The following PDE4B variants were observed in gnomAD, a reference collection of about 807,000 sequenced individuals.
The protein encoded by PDE4B is phosphodiesterase 4B, also known as 3',5'-cyclic-AMP phosphodiesterase 4B.
PDE4B carries 20 observed loss-of-function variants against 82.2 expected under a neutral mutation model. That is an observed-to-expected ratio of 0.24 (90% confidence interval 0.17 to 0.35). The LOEUF (loss-of-function observed/expected upper bound fraction) is 0.35, where lower values mean the gene tolerates loss of function less well. Ranked by LOEUF, PDE4B falls within the 10% of genes least tolerant of loss-of-function variation. PDE4B has a pLI of 1.00. For synonymous variants in PDE4B, 320 were observed against 318.9 expected, an observed-to-expected ratio of 1.00 and a Z score of -0.04; for missense variants, 655 against 907.2, an observed-to-expected ratio of 0.72 and a Z score of 3.57.
In PDE4B at chr1:66,364,423, C is replaced by T. The variant is rs190637118; in HGVS notation, c.1284+852C>T. 1.9e-3 allele frequency among the ~76,000 whole-genome samples: 291 copies of T among 152,230 alleles called. 1 individual carries two copies. The highest frequency in any genetic ancestry group is 0.016 in the Admixed American group (251 of 15,276). On this transcript the variant is annotated intron_variant, in intron 12 of 16. Coordinates refer to ENST00000341517, the MANE Select transcript of PDE4B (RefSeq NM_002600.4). ...TCATAGATTAATGCATTTGTGTATACCGATATCATCAACAATGTGTACAGC... is the reference window on the plus strand; with the variant it reads ...TCATAGATTAATGCATTTGTGTATATCGATATCATCAACAATGTGTACAGC...
intron 3 of PDE4B, among the ~76,000 whole-genome samples, chr1:66,245,081 A>G (rs1426220401): frequency 2.6e-5 from 4 of 152,198 alleles, no homozygotes; most frequent in Non-Finnish European, 5.9e-5. Flanking sequence ...CTAAGATTTT[A>G]GCACAGATAC....
At chr1:66,229,070 C>T (rs1012406790) in intron 3 of PDE4B, among the ~76,000 whole-genome samples, 2 of 151,948 alleles carry the variant, frequency 1.3e-5, no homozygotes, top group Non-Finnish European at 2.9e-5. Context: ...TGCAGTGGCT[C>T]GATATTGGCT....
intron 1 of PDE4B, among the ~76,000 whole-genome samples, chr1:65,902,204 G>A (rs1035254150): frequency 1.3e-5 from 2 of 151,968 alleles, no homozygotes; most frequent in Non-Finnish European, 2.9e-5. Context: ...TTATGGATGA[G>A]TCTGTGGTTG....
intron 3 of PDE4B, among the ~76,000 whole-genome samples, chr1:66,239,593 G>C (rs1652723256): frequency 6.6e-6 from 1 of 152,182 alleles, no homozygotes; most frequent in Non-Finnish European, 1.5e-5. Context: ...AGAGCATTTT[G>C]TAAGCTTGCT....
intron 3 of PDE4B, among the ~76,000 whole-genome samples, chr1:66,226,448 C>G (rs1398482600): frequency 2.0e-5 from 3 of 152,138 alleles, no homozygotes; most frequent in Non-Finnish European, 4.4e-5. Context: ...GAAAAGTGTG[C>G]AGAAGGAGGT....
At chr1:66,081,828 CTCTCTGTGTGTG>C (rs1263876276) in intron 3 of PDE4B, among the ~76,000 whole-genome samples, 2 of 113,094 alleles carry the variant, frequency 1.8e-5, no homozygotes, top group African/African-American at 6.2e-5. Flanking sequence ...CTCTCTCTCT[CTCTCTGTGTGTG>C]TGTGTGTGTG....
chr1:66,354,911 G>C (rs1160414023), intron 8 of PDE4B: 1 of 1,533,660 alleles, frequency 6.5e-7, no homozygotes, highest in African/African-American at 1.4e-5. Context: ...TAATTTGATT[G>C]TGTTCTGTGT....
At chr1:65,829,793 A>C (rs1464914777) in intron 1 of PDE4B, among the ~76,000 whole-genome samples, 1 of 152,188 alleles carries the variant, frequency 6.6e-6, no homozygotes, top group Non-Finnish European at 1.5e-5. Flanking sequence ...GGAGGAGAAA[A>C]GCTAGAATGA....
At chr1:66,222,783 A>G (rs1423791410) in intron 3 of PDE4B, among the ~76,000 whole-genome samples, 1 of 152,224 alleles carries the variant, frequency 6.6e-6, no homozygotes, top group Admixed American at 6.5e-5. Flanking sequence ...ACATAAGAAT[A>G]GACGCTCAAG....
intron 3 of PDE4B, among the ~76,000 whole-genome samples, chr1:66,205,057 G>A (rs1649435833): frequency 6.6e-6 from 1 of 152,182 alleles, no homozygotes; most frequent in African/African-American, 2.4e-5. Flanking sequence ...CTGAAAGCAT[G>A]GCCATGCCTA....
rs567505911 is a variant in PDE4B, at chr1:65,935,743, A to G, written c.281+16908A>G. ...GATCACCTGAGGTCGAGAGTTCGAG[A>G]CCAGCCCGACCAATATGGAGAAACC... is the stretch of plus-strand genomic sequence containing the variant. On this transcript the variant is annotated intron_variant, in intron 3 of 16. Coordinates refer to ENST00000341517, the MANE Select transcript of PDE4B (RefSeq NM_002600.4). Among the ~76,000 whole-genome samples, 7 of 152,274 alleles carry G rather than the reference A, an allele frequency of 4.6e-5. No homozygotes were observed. The South Asian group carries it at 1.4e-3, about 32-fold the overall frequency.
intron 1 of PDE4B, among the ~76,000 whole-genome samples, chr1:65,886,556 A>T (rs1180560734): frequency 6.6e-6 from 1 of 152,084 alleles, no homozygotes; most frequent in African/African-American, 2.4e-5. Flanking sequence ...CACCCTTCTC[A>T]GCCTCTGGTA....
At chr1:66,308,377 G>A (rs1658433161) in intron 7 of PDE4B, among the ~76,000 whole-genome samples, 1 of 152,078 alleles carries the variant, frequency 6.6e-6, no homozygotes, top group African/African-American at 2.4e-5. Flanking sequence ...AGAGAAAAGT[G>A]CACAAATCAC....
intron 3 of PDE4B, among the ~76,000 whole-genome samples, chr1:66,029,506 G>A (rs972347124): frequency 1.3e-5 from 2 of 152,212 alleles, no homozygotes; most frequent in Non-Finnish European, 2.9e-5. Context: ...ATATTTTACA[G>A]CAAACTTTTT....
rs1033715516 is a variant in PDE4B at position 65,878,039 on chromosome 1, GA to G, written c.-70-35196del. Reference sequence around the variant, plus strand: ...ACAAGTAAAATAAACAAATTTACAAGAAAAAAAAAACAACCTATCAAAAAGT... The same window carrying G: ...ACAAGTAAAATAAACAAATTTACAAGAAAAAAAAACAACCTATCAAAAAGT... On this transcript the variant is annotated intron_variant, in intron 1 of 16. Coordinates refer to ENST00000341517, the MANE Select transcript of PDE4B (RefSeq NM_002600.4). Among the ~76,000 whole-genome samples, 849 of 143,614 alleles carry G rather than the reference GA, an allele frequency of 5.9e-3. 7 individuals are homozygous for G. The highest frequency in any genetic ancestry group is 0.019 in the African/African-American group (739 of 39,216). 94.2% of individuals were successfully genotyped at this position (143,614 alleles called of 152,430 possible).
chr1:66,116,208 TG>T (rs796132330), intron 3 of PDE4B, among the ~76,000 whole-genome samples: 4,022 of 12,182 alleles, frequency 0.33, 165 homozygotes, highest in African/African-American at 0.35. Context: ...TCTCTATTTC[TG>T]GGTTTTTTTT....
rs1354878229 is a variant in PDE4B, at chr1:66,373,515, A to T, written c.*837A>T. On this transcript the variant is annotated 3_prime_UTR_variant, in exon 17 of 17. Transcript: ENST00000341517. The stretch of plus-strand genomic sequence containing the variant: ...TGTCTTGGACCCTGCCCCCCACAGG[A>T]GTTGTACAGTCCCTGGCCCTGTTCC... The T allele has an allele frequency of 6.6e-6, 1 of 152,574 alleles. No homozygotes were observed. Among genetic ancestry groups the T allele is most frequent in the Admixed American group, 6.6e-5 (1 of 15,258 alleles). 9.5% of individuals were successfully genotyped at this position (152,574 alleles called of 1,614,324 possible).
intron 3 of PDE4B, chr1:66,152,633 TACACAC>T (rs141660761): frequency 0.28 from 40,413 of 143,202 alleles, 5,764 homozygotes; most frequent in East Asian, 0.41. Flanking sequence ...TATATGTGTA[TACACAC>T]ACACACACAC....
At chr1:66,364,067 G>A (rs1663037005) in intron 12 of PDE4B, among the ~76,000 whole-genome samples, 1 of 152,138 alleles carries the variant, frequency 6.6e-6, no homozygotes, top group East Asian at 1.9e-4. Flanking sequence ...AAGGGATGCA[G>A]TGTATCTCAA....
Sources: allele counts gnomAD v4.1 joint callset (sites outside exome capture counted in the v4.1 genomes callset), GRCh38; gene constraint gnomAD v4.1.1; transcripts MANE v1.5; gene names NCBI Gene and HGNC (gene_info 2026-07-23, HGNC 2026-07-21).